The following GPATCH8 variants were observed in gnomAD, a reference collection of about 807,000 sequenced individuals.
GPATCH8 encodes the protein G patch domain-containing protein 8.
GPATCH8 carries 18 observed loss-of-function variants against 118.3 expected under a neutral mutation model. That is an observed-to-expected ratio of 0.15 (90% CI 0.11 to 0.23). GPATCH8 has a LOEUF of 0.23. GPATCH8 is among the 10% of genes least tolerant of loss of function. The pLI, the probability that GPATCH8 is intolerant of heterozygous loss-of-function variation, is 1.00. For missense variants in GPATCH8, 1,631 were observed against 1,873.8 expected, an observed-to-expected ratio of 0.87 and a Z score of 2.39; for synonymous variants, 659 against 684.7, an observed-to-expected ratio of 0.96 and a Z score of 0.59.
chr17:44,405,919 A>G lies in GPATCH8; in HGVS notation c.623+2T>C, dbSNP rs771442972. ...CAACCCTCTGATAAAAAATATCCTC[A>G]CCATTCAGCTTGTTTTCTTTGCTCT... is the stretch of plus-strand genomic sequence containing the variant. On this transcript the variant is annotated splice_donor_variant, in intron 7 of 7. Coordinates refer to ENST00000591680, the MANE Select transcript of GPATCH8 (RefSeq NM_001002909.4). LOFTEE classifies it high-confidence loss of function. The G allele has an allele frequency of 6.2e-7, 1 of 1,603,656 alleles. No homozygotes were observed. The highest frequency in any genetic ancestry group is 8.5e-7 in the Non-Finnish European group (1 of 1,170,488).
At chr17:44,413,120 A>T (rs893079427) in intron 6 of GPATCH8, among the ~76,000 whole-genome samples, 4 of 152,212 alleles carry the variant, frequency 2.6e-5, no homozygotes, top group African/African-American at 9.7e-5. Context: ...TTAGATGTAA[A>T]TTCTTTCTTT....
chr17:44,448,868 T>C (rs2051006243), intron 3 of GPATCH8, among the ~76,000 whole-genome samples: 1 of 152,142 alleles, frequency 6.6e-6, no homozygotes, highest in African/African-American at 2.4e-5. Flanking sequence ...CCCTATTTAC[T>C]ATAATGAAGG....
intron 3 of GPATCH8, among the ~76,000 whole-genome samples, chr17:44,458,444 T>C (rs1005156125): frequency 2.6e-5 from 4 of 152,186 alleles, no homozygotes; most frequent in African/African-American, 9.7e-5. Context: ...AGGAAACTTG[T>C]TCTTTGCCTA....
chr17:44,407,822 A>C (rs1220330540), intron 6 of GPATCH8, among the ~76,000 whole-genome samples: 1 of 151,716 alleles, frequency 6.6e-6, no homozygotes, highest in Non-Finnish European at 1.5e-5. Flanking sequence ...ATGCTTGGCT[A>C]ATTTTTATAT....
chr17:44,408,018 G>A (rs1031618066), intron 6 of GPATCH8, among the ~76,000 whole-genome samples: 2 of 151,984 alleles, frequency 1.3e-5, no homozygotes, highest in South Asian at 2.1e-4. Context: ...AAATAAATAC[G>A]AATTCTAATT....
chr17:44,498,621 T>G (rs1969835842), intron 1 of GPATCH8, among the ~76,000 whole-genome samples: 1 of 152,238 alleles, frequency 6.6e-6, no homozygotes, highest in Non-Finnish European at 1.5e-5. Context: ...ATCAGTATTT[T>G]GAAACTGGTA....
chr17:44,472,578 T>C lies in GPATCH8; in HGVS notation c.120+2251A>G, dbSNP rs534503777. 3.9e-5 allele frequency among the ~76,000 whole-genome samples: 6 copies of C among 152,326 alleles called. No homozygotes were observed. In the East Asian group the frequency reaches 7.7e-4, roughly 20 times the overall value. ...CTGCTACTGTTGAGTATCCACAGAATTATAGCTTGTGTAAGACAATTAACC... is the reference window on the plus strand; with the variant it reads ...CTGCTACTGTTGAGTATCCACAGAACTATAGCTTGTGTAAGACAATTAACC... On this transcript the variant is annotated intron_variant, in intron 2 of 7. Coordinates refer to ENST00000591680, the MANE Select transcript of GPATCH8 (RefSeq NM_001002909.4).
At chr17:44,406,484 G>C (rs1045736265) in intron 6 of GPATCH8, among the ~76,000 whole-genome samples, 1 of 94,538 alleles carries the variant, frequency 1.1e-5, no homozygotes, top group African/African-American at 4.3e-5. Context: ...GAAAAGCAAT[G>C]TACAGCTTAC....
intron 6 of GPATCH8, among the ~76,000 whole-genome samples, chr17:44,411,919 T>A (rs970273595): frequency 6.6e-6 from 1 of 152,066 alleles, no homozygotes; most frequent in African/African-American, 2.4e-5. Context: ...ACAGCAAGAC[T>A]GTGTCTATAA....
chr17:44,421,314 C>G (rs993524654), intron 6 of GPATCH8, among the ~76,000 whole-genome samples: 1 of 151,812 alleles, frequency 6.6e-6, no homozygotes, highest in Non-Finnish European at 1.5e-5. Context: ...GCACTTCAGC[C>G]TGGGCAACAA....
At chr17:44,498,052 A>G (rs901345083) in intron 1 of GPATCH8, among the ~76,000 whole-genome samples, 4 of 152,232 alleles carry the variant, frequency 2.6e-5, no homozygotes, top group Admixed American at 6.5e-5. Context: ...GAAGCAGCAC[A>G]ATCAGGATAG....
intron 1 of GPATCH8, among the ~76,000 whole-genome samples, chr17:44,484,452 G>A (rs1364917961): frequency 6.6e-6 from 1 of 152,150 alleles, no homozygotes; most frequent in Non-Finnish European, 1.5e-5. Flanking sequence ...CTCAATATTT[G>A]ACACCAGAGT....
At chr17:44,440,959 T>G (rs1215461809) in intron 3 of GPATCH8, among the ~76,000 whole-genome samples, 2 of 152,180 alleles carry the variant, frequency 1.3e-5, no homozygotes, top group East Asian at 3.8e-4. Context: ...TAAGCAATTG[T>G]CCTGCCTCAG....
At chr17:44,474,501 A>G (rs1189095292) in intron 2 of GPATCH8, 4 of 380,832 alleles carry the variant, frequency 1.1e-5, no homozygotes, top group African/African-American at 8.3e-5. Flanking sequence ...TGAAGCTATA[A>G]AGGATCAAAA....
intron 5 of GPATCH8, among the ~76,000 whole-genome samples, chr17:44,429,182 T>C (rs1159095337): frequency 2.6e-5 from 4 of 152,216 alleles, no homozygotes; most frequent in Non-Finnish European, 4.4e-5. Flanking sequence ...TTATAGGCTA[T>C]AGAAGAAACT....
Position 44,482,525 on chromosome 17 carries a change from G to T in GPATCH8, c.46-7622C>A, listed in dbSNP as rs1195773567. Among the ~76,000 whole-genome samples, 4 of 133,244 alleles carry T rather than the reference G, an allele frequency of 3.0e-5. No homozygotes were observed. The Admixed American group carries it at 3.4e-4, about 11-fold the overall frequency. 87.4% of individuals were successfully genotyped at this position (133,244 alleles called of 152,430 possible). A position where few individuals can be genotyped will look rare whatever the true frequency, so the allele number is the denominator to read the frequency against. On this transcript the variant is annotated intron_variant, in intron 1 of 7. Coordinates refer to ENST00000591680, the MANE Select transcript of GPATCH8 (RefSeq NM_001002909.4). ...GGAGGCGGAGGCTGCAGTGAGCCGAGATCACACCACTGCACTTCAGCCTGG... is the reference window on the plus strand; with the variant it reads ...GGAGGCGGAGGCTGCAGTGAGCCGATATCACACCACTGCACTTCAGCCTGG...
At chr17:44,468,983 G>A (rs1967051195) in intron 2 of GPATCH8, among the ~76,000 whole-genome samples, 1 of 152,148 alleles carries the variant, frequency 6.6e-6, no homozygotes, top group Non-Finnish European at 1.5e-5. Context: ...TGTGCGGCCT[G>A]TTCTTTGGTT....
chr17:44,451,548 C>T (rs1416837756), intron 3 of GPATCH8, among the ~76,000 whole-genome samples: 1 of 152,124 alleles, frequency 6.6e-6, no homozygotes. Context: ...AAAAATTATA[C>T]AAGATTGAAT....
intron 6 of GPATCH8, chr17:44,409,008 T>G (rs541701887): frequency 6.6e-6 from 1 of 152,300 alleles, no homozygotes; most frequent in Admixed American, 6.5e-5. Flanking sequence ...AAACTGAGTA[T>G]GTATACTTGT....
Sources: allele counts gnomAD v4.1 joint callset (sites outside exome capture counted in the v4.1 genomes callset), GRCh38; gene constraint gnomAD v4.1.1; transcripts MANE v1.5; gene names NCBI Gene and HGNC (gene_info 2026-07-23, HGNC 2026-07-21).